NOTCH2NLR: variants seen among roughly 807,000 people sequenced by gnomAD.
NOTCH2NLR encodes the protein notch 2 N-terminal like R, also known as notch 2 N-terminal like R (pseudogene).
A neutral mutation model predicts 35.6 loss-of-function variants in NOTCH2NLR; 33 were observed. The ratio of observed to expected loss-of-function variants is 0.93; its 90% CI spans 0.70 to 1.24. The LOEUF is 1.24. NOTCH2NLR is among the 50% of genes most tolerant of loss of function. The probability of loss-of-function intolerance (pLI) is 0.00; values close to 1 mark genes in which losing one functional copy is unlikely to be tolerated. For synonymous variants in NOTCH2NLR, 103 were observed against 141.0 expected, an observed-to-expected ratio of 0.73 and a Z score of 1.91; for missense variants, 276 against 362.2, an observed-to-expected ratio of 0.76 and a Z score of 1.93.
In NOTCH2NLR at chr1:120,792,506, A is replaced by T. The variant is rs1235513789; in HGVS notation, c.416-655A>T. On this transcript the variant is annotated intron_variant, in intron 3 of 4. Coordinates refer to ENST00000624419, the Ensembl canonical transcript of NOTCH2NLR. ...CACTAGGAAAACAGAAGGGAAGTTG[A>T]TTTTTTTTTTTTTGAAATAGAGTCT... Among the ~76,000 whole-genome samples the T allele has an allele frequency of 5.6e-4, 57 of 101,512 alleles. 10 individuals carry two copies. The highest frequency in any genetic ancestry group is 2.1e-3 in the Admixed American group (22 of 10,540). 66.6% of individuals were successfully genotyped at this position (101,512 alleles called of 152,430 possible).
At chr1:120,756,021 G>A in intron 1 of NOTCH2NLR, among the ~76,000 whole-genome samples, 1 of 105,154 alleles carries the variant, frequency 9.5e-6, no homozygotes, top group East Asian at 2.3e-4. Flanking sequence ...TTATTTAAAT[G>A]TACCACTTGG....
chr1:120,743,738 A>G lies in NOTCH2NLR; in HGVS notation c.73+19488A>G, dbSNP rs1650955324. The stretch of plus-strand genomic sequence containing the variant: ...TTTTGAGAACTAATGTAGAGTTTGA[A>G]AAAACACCGTAAGCCTGCATTCCAG... On this transcript the variant is annotated intron_variant, in intron 1 of 4. Coordinates refer to ENST00000624419, the Ensembl canonical transcript of NOTCH2NLR. Among the ~76,000 whole-genome samples, 2 of 118,026 alleles carry G rather than the reference A, an allele frequency of 1.7e-5. 1 individual carries two copies. The highest frequency in any genetic ancestry group is 3.4e-5 in the Non-Finnish European group (2 of 58,454). The allele number at this position is 118,026 out of a possible 152,430, so 77.4% of individuals were successfully genotyped here.
chr1:120,776,235 G>T (rs1308398513), intron 2 of NOTCH2NLR, among the ~76,000 whole-genome samples: 1 of 116,268 alleles, frequency 8.6e-6, no homozygotes, highest in South Asian at 2.5e-4. Context: ...CAGGCTCAGG[G>T]TTATTAAGAA....
intron 1 of NOTCH2NLR, among the ~76,000 whole-genome samples, chr1:120,759,043 G>C (rs1651105646): frequency 9.5e-6 from 1 of 105,280 alleles, no homozygotes. Flanking sequence ...TAGAAATAAG[G>C]TTCCTGAGGA....
rs1175961691 is a variant in NOTCH2NLR at position 120,790,379 on chromosome 1, G to A, written c.416-2782G>A. 1.5e-4 allele frequency among the ~76,000 whole-genome samples: 17 copies of A among 114,372 alleles called. 4 individuals carry two copies. The Middle Eastern group carries it at 0.012, about 79-fold the overall frequency. 75.0% of individuals were successfully genotyped at this position (114,372 alleles called of 152,430 possible). A position where few individuals can be genotyped will look rare whatever the true frequency, so the allele number is the denominator to read the frequency against. Reference sequence around the variant, plus strand: ...CACTTTAGGAATCATCACAGATCAAGGTCATCCTTTTGGTTTTTGTGATAG... The same window carrying A: ...CACTTTAGGAATCATCACAGATCAAAGTCATCCTTTTGGTTTTTGTGATAG... On this transcript the variant is annotated intron_variant, in intron 3 of 4. Coordinates refer to ENST00000624419, the Ensembl canonical transcript of NOTCH2NLR.
chr1:120,793,380 G>C lies in NOTCH2NLR; in HGVS notation c.635G>C (p.Gly212Ala). The change falls in exon 4 of 5, where the codon GGC (glycine) becomes GCC (alanine). Residue 212 changes from glycine to alanine, a missense_variant. Coordinates refer to ENST00000624419, the Ensembl canonical transcript of NOTCH2NLR. ...TCCTACCAGTGCCAGTGCCTTCAGGGCTTCACAGGCCAGTACTGTGACAGA... is the reference window on the plus strand; with the variant it reads ...TCCTACCAGTGCCAGTGCCTTCAGGCCTTCACAGGCCAGTACTGTGACAGA... 1.5e-5 allele frequency: 21 copies of C among 1,434,610 alleles called. 5 individuals carry two copies. Among genetic ancestry groups the C allele is most frequent in the Non-Finnish European group, 2.0e-5 (21 of 1,072,832 alleles). 88.9% of individuals were successfully genotyped at this position (1,434,610 alleles called of 1,614,324 possible).
intron 2 of NOTCH2NLR, among the ~76,000 whole-genome samples, chr1:120,767,674 G>A (rs1160286907): frequency 0.016 from 1,657 of 106,052 alleles, 553 homozygotes; most frequent in African/African-American, 0.088. Context: ...TCTTTCCCTT[G>A]TCCTACTGGG....
At chr1:120,759,869 C>T (rs1651115047) in intron 1 of NOTCH2NLR, among the ~76,000 whole-genome samples, 1 of 108,760 alleles carries the variant, frequency 9.2e-6, no homozygotes, top group African/African-American at 5.9e-5. Context: ...TGTACAATAC[C>T]CTATTATTAA....
intron 2 of NOTCH2NLR, among the ~76,000 whole-genome samples, chr1:120,764,037 A>T: frequency 1.7e-5 from 2 of 114,338 alleles, no homozygotes; most frequent in East Asian, 4.3e-4. Flanking sequence ...TCACGAGGTC[A>T]GGAGTTCAAG....
chr1:120,784,722 G>A lies in NOTCH2NLR; in HGVS notation c.156-252G>A, dbSNP rs1159680532. Among the ~76,000 whole-genome samples the A allele has an allele frequency of 2.1e-4, 24 of 116,800 alleles. 7 individuals are homozygous for A. The highest frequency in any genetic ancestry group is 7.4e-4 in the South Asian group (3 of 4,036). 76.6% of individuals were successfully genotyped at this position (116,800 alleles called of 152,430 possible). A position where few individuals can be genotyped will look rare whatever the true frequency, so the allele number is the denominator to read the frequency against. On this transcript the variant is annotated intron_variant, in intron 2 of 4. Transcript: ENST00000624419. ...TCTTTTACTTAGTAATTTTGTTTTC[G>A]TCTTCAGCTATTAGAATGTAAACTC...
At chr1:120,789,265 C>T (rs1280335969) in intron 3 of NOTCH2NLR, among the ~76,000 whole-genome samples, 1 of 35,578 alleles carries the variant, frequency 2.8e-5, no homozygotes, top group Non-Finnish European at 4.6e-5. Context: ...AGCTGGTTCC[C>T]TCCAAAGTTT....
In NOTCH2NLR at chr1:120,723,988, C is replaced by A. The variant is rs1477103178; in HGVS notation, c.-190C>A. 18 of 1,192,800 alleles carry A rather than the reference C, an allele frequency of 1.5e-5. 7 individuals are homozygous for A. The highest frequency in any genetic ancestry group is 3.6e-5 in the South Asian group (2 of 54,896). The allele number at this position is 1,192,800 out of a possible 1,614,324, so 73.9% of individuals were successfully genotyped here. ...GGCTGAGGCGGCGGCCGAGGAGCGG[C>A]GGACTCGGGGCGCGGGGAGTCGAGG... On this transcript the variant is annotated 5_prime_UTR_variant, in exon 1 of 5. Coordinates refer to ENST00000624419, the Ensembl canonical transcript of NOTCH2NLR.
At chr1:120,760,180 C>CT (rs1161423259) in intron 1 of NOTCH2NLR, among the ~76,000 whole-genome samples, 2,084 of 15,170 alleles carry the variant, frequency 0.14, 526 homozygotes, top group Non-Finnish European at 0.21. Flanking sequence ...TCTACCACAG[C>CT]TTTTTTTTTT....
chr1:120,785,220 A>C lies in NOTCH2NLR; in HGVS notation c.402A>C (p.Gln134His), dbSNP rs1651412280. 4.2e-6 allele frequency: 6 copies of C among 1,445,376 alleles called. No individual in the cohort carries two copies. The South Asian group carries it at 7.2e-5, about 17-fold the overall frequency. The allele number at this position is 1,445,376 out of a possible 1,614,324, so 89.5% of individuals were successfully genotyped here. The change falls in exon 3 of 5, where the codon CAA (glutamine) becomes CAC (histidine). Residue 134 changes from glutamine (Q) to histidine (H), a missense_variant. Coordinates refer to ENST00000624419, the Ensembl canonical transcript of NOTCH2NLR. ...GGGATACCTATGAGTGCACCTGTCAAGTCGGGTTTACAGGTAACTAATGAG... is the reference window on the plus strand; with the variant it reads ...GGGATACCTATGAGTGCACCTGTCACGTCGGGTTTACAGGTAACTAATGAG...
intron 1 of NOTCH2NLR, among the ~76,000 whole-genome samples, chr1:120,733,114 T>C (rs1650881391): frequency 2.3e-5 from 2 of 85,386 alleles, no homozygotes; most frequent in Non-Finnish European, 4.1e-5. Context: ...GATTTATTTT[T>C]ATATATATAT....
chr1:120,783,810 G>A lies in NOTCH2NLR; in HGVS notation c.156-1164G>A, dbSNP rs1477142674. Reference sequence around the variant, plus strand: ...CCAGACTAAGACTTCACTGGGTTTTGAGTTAGACAGAGGGAGTCATAGAAG... The same window carrying A: ...CCAGACTAAGACTTCACTGGGTTTTAAGTTAGACAGAGGGAGTCATAGAAG... On this transcript the variant is annotated intron_variant, in intron 2 of 4. Transcript: ENST00000624419. Among the ~76,000 whole-genome samples, 2 of 112,728 alleles carry A rather than the reference G, an allele frequency of 1.8e-5. 1 individual carries two copies. The highest frequency in any genetic ancestry group is 3.4e-5 in the Non-Finnish European group (2 of 59,600). The allele number at this position is 112,728 out of a possible 152,430, so 74.0% of individuals were successfully genotyped here.
rs1341710062 is a variant in NOTCH2NLR at position 120,790,539 on chromosome 1, T to C, written c.416-2622T>C. On this transcript the variant is annotated intron_variant, in intron 3 of 4. Transcript: ENST00000624419. ...TTCTTTCTTTCTTTCTCCCTCCCTT[T>C]CTTTCTTTCTTTCTTTCTTTCTTTC... 4.3e-4 allele frequency among the ~76,000 whole-genome samples: 20 copies of C among 46,776 alleles called. 1 individual carries two copies. The highest frequency in any genetic ancestry group is 2.7e-3 in the East Asian group (5 of 1,824). 30.7% of individuals were successfully genotyped at this position (46,776 alleles called of 152,430 possible).
chr1:120,778,470 A>T lies in NOTCH2NLR; in HGVS notation c.156-6504A>T. Among the ~76,000 whole-genome samples, 2 of 106,726 alleles carry T rather than the reference A, an allele frequency of 1.9e-5. 1 individual carries two copies. The highest frequency in any genetic ancestry group is 3.5e-5 in the Non-Finnish European group (2 of 57,694). The allele number at this position is 106,726 out of a possible 152,430, so 70.0% of individuals were successfully genotyped here. A position where few individuals can be genotyped will look rare whatever the true frequency, so the allele number is the denominator to read the frequency against. On this transcript the variant is annotated intron_variant, in intron 2 of 4. Transcript: ENST00000624419. ...GAGACTTTTTTTTCCCCTTCGTTCC[A>T]CATTCTGTATAGTTTTTTTAAAAAT...
Position 120,793,503 on chromosome 1 carries a change from A to G in NOTCH2NLR, c.751+7A>G, listed in dbSNP as rs2101473027. The G allele has an allele frequency of 8.2e-7, 1 of 1,214,422 alleles. No homozygotes were observed. The highest frequency in any genetic ancestry group is 1.1e-6 in the Non-Finnish European group (1 of 878,476). The allele number at this position is 1,214,422 out of a possible 1,614,324, so 75.2% of individuals were successfully genotyped here. ...GAGTGCAACTGCCTTCCAGGTAAGG[A>G]GCTCCCTAGTGTCCCAGGATTAGGG... On this transcript the variant is annotated splice_region_variant and intron_variant, in intron 4 of 4. Coordinates refer to ENST00000624419, the Ensembl canonical transcript of NOTCH2NLR.
Sources: gnomAD v4.1 joint callset for allele counts (sites outside exome capture counted in the v4.1 genomes callset) on GRCh38, gnomAD v4.1.1 for gene constraint, MANE v1.5 for transcripts, NCBI Gene and HGNC (gene_info 2026-07-23, HGNC 2026-07-21) for gene names.